CCDC91: variants seen among roughly 807,000 people sequenced by gnomAD.
CCDC91 encodes the protein coiled-coil domain-containing protein 91.
A neutral mutation model predicts 63.2 loss-of-function variants in CCDC91; 48 were observed. The ratio of observed to expected loss-of-function variants is 0.76; its 90% CI spans 0.60 to 0.97. The LOEUF (loss-of-function observed/expected upper bound fraction) is 0.97. Ranked by LOEUF, CCDC91 falls within the 50% of genes least tolerant of loss-of-function variation. The pLI is 0.00. For synonymous variants in CCDC91, 167 were observed against 165.8 expected (o/e 1.01, Z -0.06); for missense variants, 500 against 494.6 (o/e 1.01, Z -0.10).
intron 1 of CCDC91, among the ~76,000 whole-genome samples, chr12:28,243,047 A>G (rs983927458): frequency 1.3e-5 from 2 of 152,182 alleles, no homozygotes; most frequent in African/African-American, 4.8e-5. Context: ...CCGTGGGCCA[A>G]TTAAACCCCA....
At chr12:28,468,544 A>G (rs538866532) in intron 11 of CCDC91, among the ~76,000 whole-genome samples, 68 of 152,046 alleles carry the variant, frequency 4.5e-4, no homozygotes, top group Non-Finnish European at 7.9e-4. Flanking sequence ...ATCCTTCTCA[A>G]ACTATTCCAA....
chr12:28,431,215 T>C (rs2140084480), intron 8 of CCDC91, among the ~76,000 whole-genome samples: 1 of 152,242 alleles, frequency 6.6e-6, no homozygotes, highest in Non-Finnish European at 1.5e-5. Context: ...TCTCCAACTG[T>C]TGGTTTTAGT....
At chr12:28,279,165 T>A (rs558173315) in intron 3 of CCDC91, among the ~76,000 whole-genome samples, 8 of 152,076 alleles carry the variant, frequency 5.3e-5, no homozygotes, top group South Asian at 2.1e-4. Flanking sequence ...CTTTTTTTTT[T>A]AAATATGATG....
At chr12:28,509,940 G>C (rs1276237105) in intron 12 of CCDC91, among the ~76,000 whole-genome samples, 1 of 151,772 alleles carries the variant, frequency 6.6e-6, no homozygotes, top group Non-Finnish European at 1.5e-5. Flanking sequence ...TTCTGAACTG[G>C]TAATAGTTTT....
chr12:28,488,205 A>G (rs1951822081), intron 12 of CCDC91, among the ~76,000 whole-genome samples: 1 of 151,812 alleles, frequency 6.6e-6, no homozygotes, highest in Non-Finnish European at 1.5e-5. Context: ...TATGTGTGAA[A>G]TCAATAGAGA....
At chr12:28,322,926 A>G (rs779961308) in intron 6 of CCDC91, among the ~76,000 whole-genome samples, 29 of 151,422 alleles carry the variant, frequency 1.9e-4, no homozygotes, top group Non-Finnish European at 3.1e-4. Context: ...TTATTTCCTT[A>G]TTAGTATGTT....
chr12:28,426,940 G>A (rs1948351790), intron 8 of CCDC91, among the ~76,000 whole-genome samples: 1 of 152,110 alleles, frequency 6.6e-6, no homozygotes, highest in African/African-American at 2.4e-5. Flanking sequence ...TGGCTAAGAA[G>A]TAGGCTATGT....
intron 7 of CCDC91, among the ~76,000 whole-genome samples, chr12:28,383,370 T>C (rs1178266544): frequency 6.6e-6 from 1 of 152,170 alleles, no homozygotes; most frequent in East Asian, 1.9e-4. Flanking sequence ...CAGGATAAAT[T>C]TTCAGCAGCC....
At chr12:28,547,534 C>T (rs182938884) in intron 12 of CCDC91, among the ~76,000 whole-genome samples, 2 of 151,984 alleles carry the variant, frequency 1.3e-5, no homozygotes, top group Non-Finnish European at 2.9e-5. Flanking sequence ...AAGATTTCTG[C>T]GTACCTGGGT....
intron 8 of CCDC91, among the ~76,000 whole-genome samples, chr12:28,413,984 T>C (rs551333031): frequency 6.6e-6 from 1 of 152,304 alleles, no homozygotes; most frequent in Admixed American, 6.5e-5. Context: ...CACATTAAGA[T>C]GTTTGTCAAT....
In CCDC91 at chr12:28,469,275, G is replaced by A. The variant is rs74849632; in HGVS notation, c.1102-14777G>A. Among the ~76,000 whole-genome samples, 847 of 152,068 alleles carry A rather than the reference G, an allele frequency of 5.6e-3. 9 individuals carry two copies. Among genetic ancestry groups the A allele is most frequent in the African/African-American group, 0.02 (821 of 41,502 alleles). ...CAAAATCAACATACAAAAGTCAGTA[G>A]CATTTCTATATGCTAAATGAACAAT... On this transcript the variant is annotated intron_variant, in intron 11 of 12. Transcript: ENST00000536442.
In CCDC91 at chr12:28,548,935, C is replaced by T. The variant is rs532911662; in HGVS notation, c.1216-128C>T. 14 of 609,538 alleles carry T rather than the reference C, an allele frequency of 2.3e-5. No individual in the cohort carries two copies. In the African/African-American group the frequency reaches 2.6e-4, roughly 11 times the overall value. The allele number at this position is 609,538 out of a possible 1,614,324, so 37.8% of individuals were successfully genotyped here. On this transcript the variant is annotated intron_variant, in intron 12 of 12. Coordinates refer to ENST00000536442, the MANE Select transcript of CCDC91 (RefSeq NM_018318.5). ...CTTTACTGTCATTCAGTTGAAAGTA[C>T]TATTTGATTTCCTAAATTGTCTCAT...
intron 6 of CCDC91, among the ~76,000 whole-genome samples, chr12:28,321,369 A>G (rs184072430): frequency 6.6e-6 from 1 of 151,934 alleles, no homozygotes; most frequent in Admixed American, 6.6e-5. Context: ...TTACTTAACT[A>G]TGATATTATC....
chr12:28,259,540 C>A, intron 3 of CCDC91, 98 bp downstream of exon 3: 1 of 720,202 alleles, frequency 1.4e-6, no homozygotes, highest in South Asian at 1.7e-5. Context: ...TTTTACTTGT[C>A]CTTCACTGAT....
Position 28,324,300 on chromosome 12 carries a change from G to A in CCDC91, c.576+16551G>A, listed in dbSNP as rs549490694. Among the ~76,000 whole-genome samples, 33 of 151,920 alleles carry A rather than the reference G, an allele frequency of 2.2e-4. No individual in the cohort carries two copies. In the South Asian group the frequency reaches 2.5e-3, roughly 11 times the overall value. ...TTTCCTTGTGAAACTTTAAAAAAAA[G>A]TATGGTTCACAAAAATAATGATTGT... On this transcript the variant is annotated intron_variant, in intron 6 of 12. Transcript: ENST00000536442.
intron 8 of CCDC91, among the ~76,000 whole-genome samples, chr12:28,393,870 T>A (rs577018968): frequency 6.6e-6 from 1 of 152,216 alleles, no homozygotes; most frequent in African/African-American, 2.4e-5. Flanking sequence ...TTAAAAGGAT[T>A]CAGCCAAGTT....
At chr12:28,273,148 G>A (rs1174490120) in intron 3 of CCDC91, among the ~76,000 whole-genome samples, 1 of 151,986 alleles carries the variant, frequency 6.6e-6, no homozygotes, top group Non-Finnish European at 1.5e-5. Flanking sequence ...CTTCATCCAT[G>A]TCCCTACAAA....
At chr12:28,442,942 C>CCTGCG in intron 8 of CCDC91, among the ~76,000 whole-genome samples, 1 of 151,876 alleles carries the variant, frequency 6.6e-6, no homozygotes, top group Non-Finnish European at 1.5e-5. Context: ...AGAAGAAAGG[C>CCTGCG]CTGTATAAAA....
intron 6 of CCDC91, among the ~76,000 whole-genome samples, chr12:28,345,789 T>C (rs1942769471): frequency 6.6e-6 from 1 of 152,168 alleles, no homozygotes; most frequent in African/African-American, 2.4e-5. Flanking sequence ...TCGGATCTTA[T>C]GTATTTTTAC....
Sources: allele counts gnomAD v4.1 joint callset (sites outside exome capture counted in the v4.1 genomes callset), GRCh38; gene constraint gnomAD v4.1.1; transcripts MANE v1.5; gene names NCBI Gene and HGNC (gene_info 2026-07-23, HGNC 2026-07-21).